Variants in CCSER2 observed in about 807,000 individuals in gnomAD.
CCSER2 encodes coiled-coil serine rich protein 2.
CCSER2 carries 46 observed loss-of-function variants against 92.3 expected under a neutral mutation model. That is an observed-to-expected ratio of 0.50 (90% CI 0.39 to 0.64). The LOEUF (loss-of-function observed/expected upper bound fraction) is 0.64, where lower values mean the gene tolerates loss of function less well. CCSER2 is among the 30% of genes least tolerant of loss of function. The pLI, the probability that CCSER2 is intolerant of heterozygous loss-of-function variation, is 0.00. For missense variants in CCSER2, 1,244 were observed against 1,238.9 expected, an observed-to-expected ratio of 1.00 and a Z score of -0.06; for synonymous variants, 433 against 431.4, an observed-to-expected ratio of 1.00 and a Z score of -0.04.
intron 3 of CCSER2, among the ~76,000 whole-genome samples, chr10:84,396,805 G>A (rs1438068294): frequency 2.6e-5 from 4 of 151,986 alleles, no homozygotes; most frequent in Non-Finnish European, 4.4e-5. Flanking sequence ...CCAAAGTGTC[G>A]GGATTACAGG....
intron 3 of CCSER2, among the ~76,000 whole-genome samples, chr10:84,385,502 G>A (rs1288765283): frequency 6.6e-6 from 1 of 152,148 alleles, no homozygotes; most frequent in Non-Finnish European, 1.5e-5. Flanking sequence ...AATAAACTAC[G>A]GGGAAAGGAC....
At chr10:84,366,353 A>G (rs1845775958) in intron 1 of CCSER2, among the ~76,000 whole-genome samples, 2 of 152,184 alleles carry the variant, frequency 1.3e-5, no homozygotes, top group Admixed American at 1.3e-4. Flanking sequence ...AATTTACATT[A>G]AGAGATTATG....
chr10:84,482,239 G>A (rs1350187494), intron 9 of CCSER2, among the ~76,000 whole-genome samples: 1 of 152,176 alleles, frequency 6.6e-6, no homozygotes, highest in African/African-American at 2.4e-5. Flanking sequence ...CCAGAGGAAA[G>A]TGGGGCAATT....
rs1846090939 is a variant in CCSER2 at position 84,372,067 on chromosome 10, A to G, written c.1015A>G (p.Asn339Asp). Residue 339 changes from asparagine (N) to aspartate (D), a missense_variant, in exon 2 of 10, where the codon AAT becomes GAT. Physicochemically the swap from Asn to Asp is conservative, Grantham distance 23. Transcript: ENST00000372088. ...TTCTGGGACTATGACAGTTGATGGA[A>G]ATAAAAATTCACCTGCTGACACATG... ...PFSGTMTVDG[N>D]KNSPADTCVE... 1.2e-6 allele frequency: 2 copies of G among 1,613,746 alleles called. No homozygotes were observed. Among genetic ancestry groups the G allele is most frequent in the African/African-American group, 1.3e-5 (1 of 74,910 alleles).
At chr10:84,464,508 A>T (rs1485162017) in intron 7 of CCSER2, among the ~76,000 whole-genome samples, 1 of 152,206 alleles carries the variant, frequency 6.6e-6, no homozygotes, top group African/African-American at 2.4e-5. Context: ...ATTTAAGCAC[A>T]TATTTATTTC....
At chr10:84,387,863 T>G (rs1021389806) in intron 3 of CCSER2, among the ~76,000 whole-genome samples, 1 of 151,804 alleles carries the variant, frequency 6.6e-6, no homozygotes, top group Non-Finnish European at 1.5e-5. Flanking sequence ...GACTGGACTT[T>G]TCTTTTCTTT....
chr10:84,448,828 G>A (rs1421175432), intron 6 of CCSER2, among the ~76,000 whole-genome samples: 1 of 152,112 alleles, frequency 6.6e-6, no homozygotes, highest in Non-Finnish European at 1.5e-5. Flanking sequence ...GGAACCATTT[G>A]TTGTGTACTC....
chr10:84,346,282 T>C (rs1844471877), intron 1 of CCSER2, among the ~76,000 whole-genome samples: 1 of 152,112 alleles, frequency 6.6e-6, no homozygotes, highest in African/African-American at 2.4e-5. Flanking sequence ...CAGGCTGGTC[T>C]TGAATTCCCG....
chr10:84,403,652 T>C (rs978172615), intron 3 of CCSER2, among the ~76,000 whole-genome samples: 6 of 152,110 alleles, frequency 3.9e-5, no homozygotes, highest in Admixed American at 3.3e-4. Flanking sequence ...AGAGGAGATA[T>C]GGATGGGAAA....
chr10:84,433,210 A>G (rs778465628), intron 5 of CCSER2, among the ~76,000 whole-genome samples: 4 of 152,146 alleles, frequency 2.6e-5, no homozygotes, highest in Admixed American at 1.3e-4. Flanking sequence ...TGCCTGTTCT[A>G]ATAAAGAATT....
intron 1 of CCSER2, among the ~76,000 whole-genome samples, chr10:84,365,450 T>C (rs915361076): frequency 1.3e-5 from 2 of 152,240 alleles, no homozygotes; most frequent in Admixed American, 1.3e-4. Context: ...AGTGATAATA[T>C]TCATAACGTA....
intron 6 of CCSER2, among the ~76,000 whole-genome samples, chr10:84,447,088 G>A (rs145353621): frequency 2.4e-4 from 36 of 150,848 alleles, no homozygotes; most frequent in Non-Finnish European, 4.3e-4. Context: ...CGGTACAACC[G>A]TGAGAAAGTT....
intron 9 of CCSER2, among the ~76,000 whole-genome samples, chr10:84,488,628 C>G (rs1847952650): frequency 6.6e-6 from 1 of 152,136 alleles, no homozygotes; most frequent in South Asian, 2.1e-4. Context: ...ATTCTTCTCT[C>G]TTTTCTTCTT....
intron 1 of CCSER2, among the ~76,000 whole-genome samples, chr10:84,370,447 A>G (rs1018442303): frequency 6.6e-6 from 1 of 151,994 alleles, no homozygotes; most frequent in Non-Finnish European, 1.5e-5. Flanking sequence ...TTGGTATGCT[A>G]CTGATTTGTG....
At chr10:84,450,294 G>A (rs1845197460) in intron 6 of CCSER2, among the ~76,000 whole-genome samples, 1 of 152,126 alleles carries the variant, frequency 6.6e-6, no homozygotes, top group African/African-American at 2.4e-5. Context: ...AGAATTTTTG[G>A]TAATGAAGTA....
chr10:84,384,795 C>G (rs1227309452), intron 3 of CCSER2, among the ~76,000 whole-genome samples: 1 of 152,040 alleles, frequency 6.6e-6, no homozygotes, highest in East Asian at 1.9e-4. Flanking sequence ...TAAAAGCCAT[C>G]CAAATTATAA....
At chr10:84,450,511 C>CA (rs1464190846) in intron 6 of CCSER2, among the ~76,000 whole-genome samples, 1 of 152,010 alleles carries the variant, frequency 6.6e-6, no homozygotes, top group Non-Finnish European at 1.5e-5. Flanking sequence ...TCAGTGTCCC[C>CA]ACCCCCCAAA....
intron 8 of CCSER2, among the ~76,000 whole-genome samples, chr10:84,470,793 G>GGT (rs1278912785): frequency 1.3e-5 from 2 of 151,934 alleles, no homozygotes; most frequent in Admixed American, 1.3e-4. Flanking sequence ...TTGAGAACAG[G>GGT]GTATTTTCTC....
chr10:84,381,627 C>T (rs1256116945), intron 3 of CCSER2, among the ~76,000 whole-genome samples: 1 of 151,996 alleles, frequency 6.6e-6, no homozygotes, highest in Admixed American at 6.6e-5. Context: ...AGCTGAGTTT[C>T]TTAAGAACAT....
Sources: allele counts gnomAD v4.1 joint callset (sites outside exome capture counted in the v4.1 genomes callset), GRCh38; gene constraint gnomAD v4.1.1; transcripts MANE v1.5; gene names NCBI Gene and HGNC (gene_info 2026-07-23, HGNC 2026-07-21).